Variants in KHDRBS3 observed in about 807,000 individuals in gnomAD.
KHDRBS3 encodes the protein KH domain-containing, RNA-binding, signal transduction-associated protein 3.
A neutral mutation model predicts 45.6 loss-of-function variants in KHDRBS3; 23 were observed. The ratio of observed to expected loss-of-function variants is 0.50; its 90% CI spans 0.36 to 0.72. The LOEUF is 0.72. Ranked by LOEUF, KHDRBS3 falls within the 30% of genes least tolerant of loss-of-function variation. KHDRBS3 has a pLI of 0.00. For missense variants in KHDRBS3, 352 were observed against 424.8 expected (o/e 0.83, Z 1.51); for synonymous variants, 162 against 156.5 (o/e 1.04, Z -0.26).
At chr8:135,569,930 GAAAAACAAAAAC>G (rs111279156) in intron 5 of KHDRBS3, among the ~76,000 whole-genome samples, 1 of 150,608 alleles carries the variant, frequency 6.6e-6, no homozygotes, top group African/African-American at 2.5e-5. Flanking sequence ...TAAGAAGAAA[GAAAAACAAAAAC>G]AAAAACAAAA....
At chr8:135,492,504 C>A (rs1823204157) in intron 1 of KHDRBS3, among the ~76,000 whole-genome samples, 3 of 98,652 alleles carry the variant, frequency 3.0e-5, no homozygotes, top group Admixed American at 2.6e-4. Flanking sequence ...CATTAGTTTA[C>A]ATATATATAT....
At chr8:135,485,869 T>TA (rs56114244) in intron 1 of KHDRBS3, among the ~76,000 whole-genome samples, 14 of 143,210 alleles carry the variant, frequency 9.8e-5, no homozygotes, top group African/African-American at 2.4e-4. Flanking sequence ...TATATATATA[T>TA]TTTATTTTTC....
intron 6 of KHDRBS3, chr8:135,593,501 A>C (rs911877555): frequency 6.6e-6 from 1 of 152,300 alleles, no homozygotes; most frequent in Non-Finnish European, 1.5e-5. Flanking sequence ...TGGTTGAGAC[A>C]GGGTCTTGTT....
chr8:135,630,823 C>A (rs947554146), intron 7 of KHDRBS3, among the ~76,000 whole-genome samples: 2 of 152,088 alleles, frequency 1.3e-5, no homozygotes, highest in African/African-American at 4.8e-5. Context: ...ATGAATGGAG[C>A]TTGAAGGACT....
chr8:135,460,421 T>C (rs996901013), intron 1 of KHDRBS3, among the ~76,000 whole-genome samples: 3 of 152,224 alleles, frequency 2.0e-5, no homozygotes, highest in Admixed American at 1.3e-4. Flanking sequence ...GATGTTCATG[T>C]CTTCTCTTTT....
At chr8:135,488,277 C>A (rs942621821) in intron 1 of KHDRBS3, among the ~76,000 whole-genome samples, 7 of 152,018 alleles carry the variant, frequency 4.6e-5, no homozygotes, top group Non-Finnish European at 1.0e-4. Flanking sequence ...CAGAACTAAG[C>A]GGGGAATGAA....
At chr8:135,485,868 A>ATATATATATATATATATATG in intron 1 of KHDRBS3, among the ~76,000 whole-genome samples, 1 of 141,220 alleles carries the variant, frequency 7.1e-6, no homozygotes, top group Admixed American at 7.0e-5. Flanking sequence ...ATATATATAT[A>ATATATATATATATATATATG]TTTTATTTTT....
chr8:135,488,279 G>A (rs1822967207), intron 1 of KHDRBS3, among the ~76,000 whole-genome samples: 2 of 152,260 alleles, frequency 1.3e-5, no homozygotes, highest in South Asian at 4.1e-4. Context: ...GAACTAAGCG[G>A]GGAATGAATT....
intron 7 of KHDRBS3, among the ~76,000 whole-genome samples, chr8:135,636,943 A>T (rs565217874): frequency 1.3e-5 from 2 of 152,344 alleles, no homozygotes; most frequent in Admixed American, 1.3e-4. Context: ...CTCTTTTTCC[A>T]GATTAGATGA....
In KHDRBS3 at chr8:135,614,257, G is replaced by A. The variant is rs185901613; in HGVS notation, c.890+7220G>A. ...TACTTCCTGTGGATACACAGCTTCG[G>A]AATAGCTAGTATAGTGAATCAAAAC... On this transcript the variant is annotated intron_variant, in intron 7 of 8. Coordinates refer to ENST00000355849, the MANE Select transcript of KHDRBS3 (RefSeq NM_006558.3). 3.1e-3 allele frequency among the ~76,000 whole-genome samples: 474 copies of A among 151,858 alleles called. 22 individuals carry two copies. Among genetic ancestry groups the A allele is most frequent in the African/African-American group, 0.011 (439 of 41,206 alleles).
chr8:135,573,186 C>A (rs1360007175), intron 5 of KHDRBS3, among the ~76,000 whole-genome samples: 1 of 152,136 alleles, frequency 6.6e-6, no homozygotes, highest in African/African-American at 2.4e-5. Context: ...TCCCAGGTCA[C>A]CAAGTTAGCA....
At chr8:135,535,143 A>C (rs1825670925) in intron 2 of KHDRBS3, among the ~76,000 whole-genome samples, 1 of 151,786 alleles carries the variant, frequency 6.6e-6, no homozygotes. Context: ...CTAATTTTCT[A>C]ATTTGTGTGA....
intron 4 of KHDRBS3, among the ~76,000 whole-genome samples, chr8:135,654,326 G>T (rs377718613): frequency 1.3e-5 from 2 of 152,106 alleles, no homozygotes; most frequent in Non-Finnish European, 2.9e-5. Flanking sequence ...TCTGTGGAAT[G>T]AATTTTTAAA....
rs577256802 is a variant in KHDRBS3, at chr8:135,637,514, G to T, written c.891-7545G>T. ...GATAAGATTTTCCTTAAAGGAACGG[G>T]GCAAAATAATCAAGAAAAATTTTTG... On this transcript the variant is annotated intron_variant, in intron 7 of 8. Coordinates refer to ENST00000355849, the MANE Select transcript of KHDRBS3 (RefSeq NM_006558.3). Among the ~76,000 whole-genome samples the T allele has an allele frequency of 4.6e-5, 7 of 152,044 alleles. No homozygotes were observed. The South Asian group carries it at 1.2e-3, about 27-fold the overall frequency.
chr8:135,588,584 C>G (rs944196069), intron 6 of KHDRBS3, among the ~76,000 whole-genome samples: 2 of 152,166 alleles, frequency 1.3e-5, no homozygotes, highest in African/African-American at 4.8e-5. Context: ...AGCCAGCCAC[C>G]TCTCCTCTTT....
intron 1 of KHDRBS3, among the ~76,000 whole-genome samples, chr8:135,462,678 A>C (rs1259159010): frequency 2.0e-5 from 3 of 152,200 alleles, no homozygotes; most frequent in African/African-American, 7.2e-5. Flanking sequence ...TGGAGAGGTT[A>C]TTAGCCTAGT....
Position 135,628,425 on chromosome 8 carries a change from T to C in KHDRBS3, c.891-16634T>C, listed in dbSNP as rs188227623. Among the ~76,000 whole-genome samples the C allele has an allele frequency of 3.9e-5, 6 of 152,314 alleles. No individual in the cohort carries two copies. In the East Asian group the frequency reaches 9.6e-4, roughly 24 times the overall value. ...ATTCCACAAAACACAGTAGAAGTGGTGAGAGCTTGTTTTCTTAAATGGCAG... is the reference window on the plus strand; with the variant it reads ...ATTCCACAAAACACAGTAGAAGTGGCGAGAGCTTGTTTTCTTAAATGGCAG... On this transcript the variant is annotated intron_variant, in intron 7 of 8. Coordinates refer to ENST00000355849, the MANE Select transcript of KHDRBS3 (RefSeq NM_006558.3).
At chr8:135,577,720 A>G (rs1451363593) in intron 5 of KHDRBS3, among the ~76,000 whole-genome samples, 1 of 152,122 alleles carries the variant, frequency 6.6e-6, no homozygotes, top group Non-Finnish European at 1.5e-5. Flanking sequence ...GAAAGTTTTT[A>G]TGTAGGCATA....
At chr8:135,476,779 C>T (rs1025280386) in intron 1 of KHDRBS3, among the ~76,000 whole-genome samples, 2 of 152,026 alleles carry the variant, frequency 1.3e-5, no homozygotes, top group Admixed American at 1.3e-4. Context: ...AAACTTTTCA[C>T]ATTAGGTGGG....
Sources: allele counts gnomAD v4.1 joint callset (sites outside exome capture counted in the v4.1 genomes callset), GRCh38; gene constraint gnomAD v4.1.1; transcripts MANE v1.5; gene names NCBI Gene and HGNC (gene_info 2026-07-23, HGNC 2026-07-21).